Variants in RANBP17 observed in about 807,000 individuals in gnomAD.
The protein encoded by RANBP17 is RAN binding protein 17, also known as ran-binding protein 17.
In RANBP17, 158 loss-of-function variants were observed where a neutral mutation model predicts 141.2. The observed-to-expected ratio is 1.12, with a 90% CI of 0.98 to 1.28. The LOEUF is 1.28. RANBP17 is among the 50% of genes most tolerant of loss of function. The pLI, the probability that RANBP17 is intolerant of heterozygous loss-of-function variation, is 0.00. For synonymous variants in RANBP17, 430 were observed against 450.0 expected (o/e 0.96, Z 0.56); for missense variants, 1,438 against 1,290.7 (o/e 1.11, Z -1.75).
intron 14 of RANBP17, chr5:170,983,159 C>A: frequency 4.0e-6 from 2 of 503,870 alleles, no homozygotes; most frequent in South Asian, 3.4e-5. Flanking sequence ...GAGGATCAAA[C>A]ACAGGAGAGA....
intron 14 of RANBP17, among the ~76,000 whole-genome samples, chr5:171,053,635 T>G (rs997595096): frequency 6.6e-6 from 1 of 151,928 alleles, no homozygotes; most frequent in South Asian, 2.1e-4. Context: ...TTTTGTAGAT[T>G]TTCTATATAT....
intron 14 of RANBP17, among the ~76,000 whole-genome samples, chr5:171,089,567 G>C (rs1439023428): frequency 6.7e-6 from 1 of 150,114 alleles, no homozygotes; most frequent in African/African-American, 2.5e-5. Context: ...CCTCGCTGCT[G>C]CCTTGCAGTT....
At chr5:170,939,275 T>G (rs1270293638) in intron 12 of RANBP17, among the ~76,000 whole-genome samples, 2 of 152,118 alleles carry the variant, frequency 1.3e-5, no homozygotes, top group Non-Finnish European at 2.9e-5. Flanking sequence ...TTAAACATTT[T>G]AAAGGTTATT....
At chr5:171,240,790 A>G (rs1374027158) in intron 22 of RANBP17, 138 bp from the exon 23 acceptor site, 2 of 576,572 alleles carry the variant, frequency 3.5e-6, no homozygotes. Context: ...TTTTATTACA[A>G]TGAATAAAAA....
intron 24 of RANBP17, among the ~76,000 whole-genome samples, chr5:171,244,266 G>A (rs867936919): frequency 1.3e-4 from 19 of 151,874 alleles, no homozygotes; most frequent in East Asian, 9.7e-4. Context: ...GGTGGTGTGC[G>A]CCTGTAGTCC....
At chr5:171,164,355 GC>G (rs1438677467) in intron 14 of RANBP17, among the ~76,000 whole-genome samples, 1 of 152,124 alleles carries the variant, frequency 6.6e-6, no homozygotes, top group East Asian at 1.9e-4. Context: ...TTCGGCACAT[GC>G]TTTTTTTATT....
At chr5:171,066,127 G>C (rs946978813) in intron 14 of RANBP17, among the ~76,000 whole-genome samples, 1 of 151,950 alleles carries the variant, frequency 6.6e-6, no homozygotes, top group African/African-American at 2.4e-5. Flanking sequence ...CTCCCAAGGT[G>C]CTGGGATTAC....
chr5:171,186,576 G>T (rs1393584382), intron 18 of RANBP17, among the ~76,000 whole-genome samples: 1 of 98,700 alleles, frequency 1.0e-5, no homozygotes, highest in African/African-American at 4.2e-5. Context: ...TCGCTCTGTC[G>T]CCCAGGCTGG....
chr5:170,981,213 T>C (rs1777744257), intron 14 of RANBP17, among the ~76,000 whole-genome samples: 1 of 152,148 alleles, frequency 6.6e-6, no homozygotes, highest in Non-Finnish European at 1.5e-5. Flanking sequence ...TACAGGCTCA[T>C]AGGCAGAAGG....
intron 4 of RANBP17, among the ~76,000 whole-genome samples, chr5:170,893,754 C>T (rs1769858355): frequency 6.6e-6 from 1 of 150,960 alleles, no homozygotes; most frequent in African/African-American, 2.4e-5. Context: ...GATTGCGCCA[C>T]TGCACTCCAG....
At chr5:171,102,425 T>G (rs1240734024) in intron 14 of RANBP17, among the ~76,000 whole-genome samples, 2 of 152,076 alleles carry the variant, frequency 1.3e-5, no homozygotes, top group Non-Finnish European at 2.9e-5. Context: ...CTTCTCGTGC[T>G]GTTTTTTTCA....
intron 14 of RANBP17, among the ~76,000 whole-genome samples, chr5:171,148,477 A>G (rs1180986502): frequency 6.6e-6 from 1 of 152,220 alleles, no homozygotes; most frequent in Non-Finnish European, 1.5e-5. Flanking sequence ...AACCCCATTT[A>G]AAGTACGAAT....
chr5:171,149,719 C>G (rs1190323337), intron 14 of RANBP17, among the ~76,000 whole-genome samples: 1 of 152,144 alleles, frequency 6.6e-6, no homozygotes, highest in African/African-American at 2.4e-5. Flanking sequence ...GTAAGCCAGG[C>G]CTTAATATCT....
Position 171,171,243 on chromosome 5 carries a change from G to A in RANBP17, c.1822G>A (p.Val608Ile), listed in dbSNP as rs1464059094. Reference sequence around the variant, plus strand: ...TAAATACTGGGGAAGATATGAGCCTGTAATTTCAAGGACTCTTCAGTTCCT... The same window carrying A: ...TAAATACTGGGGAAGATATGAGCCTATAATTTCAAGGACTCTTCAGTTCCT... ...NLKYWGRYEPVISRTLQFLND... is the reference protein window; with the variant it reads ...NLKYWGRYEPIISRTLQFLND... Residue 608 changes from valine to isoleucine, a missense_variant, in exon 16 of 28, where the codon GTA (valine) becomes ATA (isoleucine). Physicochemically the swap from Val to Ile is conservative, Grantham distance 29 (BLOSUM62 3). Transcript: ENST00000523189. 5 of 1,598,162 alleles carry A rather than the reference G, an allele frequency of 3.1e-6. No individual in the cohort carries two copies. In the Admixed American group the frequency reaches 6.8e-5, roughly 22 times the overall value.
intron 14 of RANBP17, among the ~76,000 whole-genome samples, chr5:171,144,242 T>C (rs1397148628): frequency 6.6e-6 from 1 of 152,008 alleles, no homozygotes; most frequent in Non-Finnish European, 1.5e-5. Flanking sequence ...TGTGCACTAC[T>C]CCCAGTTACT....
intron 5 of RANBP17, among the ~76,000 whole-genome samples, chr5:170,908,441 C>A (rs1771249331): frequency 6.6e-6 from 1 of 151,712 alleles, no homozygotes; most frequent in African/African-American, 2.4e-5. Flanking sequence ...CATGTTCTCA[C>A]TTCCAGTAGG....
intron 14 of RANBP17, among the ~76,000 whole-genome samples, chr5:171,104,027 T>C (rs2064267015): frequency 6.6e-6 from 1 of 152,086 alleles, no homozygotes; most frequent in African/African-American, 2.4e-5. Flanking sequence ...TGGGAGCTTT[T>C]TGTTTGTTTG....
intron 14 of RANBP17, among the ~76,000 whole-genome samples, chr5:171,050,934 A>G (rs1225253412): frequency 1.3e-5 from 2 of 152,182 alleles, no homozygotes; most frequent in African/African-American, 4.8e-5. Flanking sequence ...AATTAGAATT[A>G]GAGAATGTAA....
rs1446029632 is a variant in RANBP17, at chr5:171,242,774, A to C, written c.2730A>C (p.Val910=). 1 of 1,613,444 alleles carries C rather than the reference A, an allele frequency of 6.2e-7. No homozygotes were observed. Among genetic ancestry groups the C allele is most frequent in the East Asian group, 2.2e-5 (1 of 44,828 alleles). ...TCATCATCAACTTAGAGCCTCCTGT[A>C]CTCATGTATGTTCTCACATCTATCT... is the stretch of plus-strand genomic sequence containing the variant. ...MSFIINLEPP[V]LMYVLTSISE... is the part of the protein sequence containing the mutation. The change falls in exon 24 of 28, where the codon GTA becomes GTC. Residue 910 remains valine, a synonymous_variant. Coordinates refer to ENST00000523189, the MANE Select transcript of RANBP17 (RefSeq NM_022897.5).
Sources: allele counts gnomAD v4.1 joint callset (sites outside exome capture counted in the v4.1 genomes callset), GRCh38; gene constraint gnomAD v4.1.1; transcripts MANE v1.5; gene names NCBI Gene and HGNC (gene_info 2026-07-23, HGNC 2026-07-21).